Variants in MALRD1 observed in about 807,000 individuals in gnomAD.
MALRD1 encodes the protein MAM and LDL receptor class A domain containing 1, also known as MAM and LDL-receptor class A domain-containing protein 1.
Under a neutral mutation model 242.1 loss-of-function variants are expected in MALRD1, and 247 were observed. The ratio of observed to expected loss-of-function variants is 1.02; its 90% confidence interval spans 0.92 to 1.13. The LOEUF (loss-of-function observed/expected upper bound fraction) is 1.13, where lower values mean the gene tolerates loss of function less well. Ranked by LOEUF, MALRD1 falls within the 50% of genes most tolerant of loss-of-function variation. The pLI, the probability that MALRD1 is intolerant of heterozygous loss-of-function variation, is 0.00. For missense variants in MALRD1, 2,989 were observed against 2,533.1 expected, an observed-to-expected ratio of 1.18 and a Z score of -3.86; for synonymous variants, 995 against 866.6, an observed-to-expected ratio of 1.15 and a Z score of -2.60.
At chr10:19,486,204 T>C (rs1005665355) in intron 29 of MALRD1, among the ~76,000 whole-genome samples, 3 of 152,206 alleles carry the variant, frequency 2.0e-5, no homozygotes, top group African/African-American at 7.2e-5. Flanking sequence ...AAATCAAATG[T>C]CAATCTGCAT....
At chr10:19,637,450 G>A (rs999670973) in intron 36 of MALRD1, among the ~76,000 whole-genome samples, 4 of 152,152 alleles carry the variant, frequency 2.6e-5, no homozygotes, top group Admixed American at 6.5e-5. Context: ...TTGTCACCAG[G>A]TAAAGTGACT....
chr10:19,433,554 G>C (rs931008759), intron 28 of MALRD1, among the ~76,000 whole-genome samples: 3 of 152,190 alleles, frequency 2.0e-5, no homozygotes, highest in Non-Finnish European at 4.4e-5. Flanking sequence ...AGTCATGTCA[G>C]TTAGATGGCT....
At position 19,567,579 on chromosome 10, in the gene MALRD1, T is replaced by C. The variant is rs966289968; in HGVS notation, c.5556T>C (p.Tyr1852=). 3.9e-6 allele frequency: 6 copies of C among 1,550,560 alleles called. No individual in the cohort carries two copies. The highest frequency in any genetic ancestry group is 5.2e-6 in the Non-Finnish European group (6 of 1,146,948). ...GAAATAAAAGAACGGGATGGACATATGGCTCTGTGCCTCTCTCCAGTAACA... is the reference window on the plus strand; with the variant it reads ...GAAATAAAAGAACGGGATGGACATACGGCTCTGTGCCTCTCTCCAGTAACA... The part of the protein sequence containing the change: ...VIGNKRTGWT[Y]GSVPLSSNSP... Residue 1852 remains tyrosine, a synonymous_variant, in exon 33 of 40, where the codon TAT becomes TAC. Transcript: ENST00000454679.
chr10:19,214,862 T>G (rs1755813644), intron 18 of MALRD1, among the ~76,000 whole-genome samples: 1 of 152,176 alleles, frequency 6.6e-6, no homozygotes, highest in South Asian at 2.1e-4. Flanking sequence ...ATGAGAGGAA[T>G]GAGCAGAAAC....
At chr10:19,241,783 T>G (rs1321556628) in intron 18 of MALRD1, among the ~76,000 whole-genome samples, 1 of 152,166 alleles carries the variant, frequency 6.6e-6, no homozygotes, top group Non-Finnish European at 1.5e-5. Flanking sequence ...GTGACTTTTG[T>G]AATTTTCCTG....
chr10:19,083,853 C>T (rs1246086621), intron 2 of MALRD1, among the ~76,000 whole-genome samples: 1 of 151,940 alleles, frequency 6.6e-6, no homozygotes, highest in Admixed American at 6.6e-5. Context: ...TAAAAGCCCT[C>T]CAAATTACCA....
chr10:19,433,586 T>G (rs2993646), intron 28 of MALRD1, among the ~76,000 whole-genome samples: 1 of 151,916 alleles, frequency 6.6e-6, no homozygotes, highest in Admixed American at 6.6e-5. Context: ...CTTTAGGACA[T>G]TGTGAAAAGT....
At chr10:19,496,599 A>G (rs1363482713) in intron 30 of MALRD1, among the ~76,000 whole-genome samples, 3 of 152,192 alleles carry the variant, frequency 2.0e-5, no homozygotes, top group Non-Finnish European at 4.4e-5. Context: ...CCCACATCAA[A>G]AAGTTGGAAA....
intron 36 of MALRD1, among the ~76,000 whole-genome samples, chr10:19,620,468 T>C (rs1839350848): frequency 6.6e-6 from 1 of 152,108 alleles, no homozygotes; most frequent in East Asian, 1.9e-4. Flanking sequence ...GTCACCATTG[T>C]AATTACATTT....
chr10:19,520,704 TA>T (rs1432262226), intron 31 of MALRD1, among the ~76,000 whole-genome samples: 7 of 141,870 alleles, frequency 4.9e-5, no homozygotes, highest in Admixed American at 4.7e-4. Context: ...CTGTTTCTTT[TA>T]TTTTTTTTCT....
chr10:19,376,682 A>G (rs1033932888), intron 26 of MALRD1, among the ~76,000 whole-genome samples: 6 of 150,780 alleles, frequency 4.0e-5, no homozygotes, highest in African/African-American at 1.5e-4. Context: ...CAGCCTCCCG[A>G]GTAGCTGAGA....
At chr10:19,451,940 A>G (rs186998198) in intron 29 of MALRD1, among the ~76,000 whole-genome samples, 7 of 152,290 alleles carry the variant, frequency 4.6e-5, no homozygotes, top group Admixed American at 2.0e-4. Context: ...TTGGGCTTCA[A>G]GATGCTGGAG....
chr10:19,280,141 G>A lies in MALRD1; in HGVS notation c.3174G>A (p.Arg1058=). 1 of 1,545,306 alleles carries A rather than the reference G, an allele frequency of 6.5e-7. No homozygotes were observed. Among genetic ancestry groups the A allele is most frequent in the Non-Finnish European group, 8.7e-7 (1 of 1,144,880 alleles). ...GCACAGACAATGAATTTATCTGCAG[G>A]TCTGATGGTCACTGCATTGAAAAAA... ...HNCTDNEFIC[R]SDGHCIEKMQ... The change falls in exon 20 of 40, where the codon AGG becomes AGA. Residue 1058 remains arginine, a synonymous_variant. Transcript: ENST00000454679.
chr10:19,629,663 G>A lies in MALRD1; in HGVS notation c.6137+13740G>A, dbSNP rs368839089. On this transcript the variant is annotated intron_variant, in intron 36 of 39. Coordinates refer to ENST00000454679, the MANE Select transcript of MALRD1 (RefSeq NM_001142308.3). ...TGTGATGTGTGTGCATGTGGCCAAC[G>A]CACTCTACTGAATGGAAGCAAGAGA... is the stretch of plus-strand genomic sequence containing the variant. 1.2e-4 allele frequency among the ~76,000 whole-genome samples: 18 copies of A among 152,088 alleles called. No homozygotes were observed. In the South Asian group the frequency reaches 1.7e-3, roughly 14 times the overall value.
chr10:19,426,130 A>C (rs1833896717), intron 28 of MALRD1, among the ~76,000 whole-genome samples: 1 of 152,160 alleles, frequency 6.6e-6, no homozygotes, highest in Non-Finnish European at 1.5e-5. Context: ...AATGTCTTCC[A>C]TATGCCAAGC....
intron 21 of MALRD1, among the ~76,000 whole-genome samples, chr10:19,302,881 T>A (rs1842011844): frequency 6.6e-6 from 1 of 151,758 alleles, no homozygotes; most frequent in African/African-American, 2.4e-5. Context: ...ATGTGAAAAT[T>A]ATAAGATTTT....
At chr10:19,573,553 T>C (rs967411488) in intron 33 of MALRD1, among the ~76,000 whole-genome samples, 14 of 152,048 alleles carry the variant, frequency 9.2e-5, no homozygotes, top group Admixed American at 3.3e-4. Flanking sequence ...AGAACAATCA[T>C]TAAACTTTTC....
At chr10:19,289,209 AT>A (rs1330580213) in intron 21 of MALRD1, among the ~76,000 whole-genome samples, 1 of 152,188 alleles carries the variant, frequency 6.6e-6, no homozygotes, top group Non-Finnish European at 1.5e-5. Context: ...GTGGACTAGA[AT>A]TTCACATATA....
At chr10:19,156,465 T>TA (rs925750069) in intron 12 of MALRD1, among the ~76,000 whole-genome samples, 1 of 133,172 alleles carries the variant, frequency 7.5e-6, no homozygotes, top group African/African-American at 3.2e-5. Flanking sequence ...ATAGAGCGTT[T>TA]TTTTTTTTTT....
Sources: allele counts gnomAD v4.1 joint callset (sites outside exome capture counted in the v4.1 genomes callset), GRCh38; gene constraint gnomAD v4.1.1; transcripts MANE v1.5; gene names NCBI Gene and HGNC (gene_info 2026-07-23, HGNC 2026-07-21).